The following SFSWAP variants were observed in gnomAD, a reference collection of about 807,000 sequenced individuals.
SFSWAP encodes splicing factor, suppressor of white-apricot homolog.
A neutral mutation model predicts 100.7 loss-of-function variants in SFSWAP; 17 were observed. The observed-to-expected ratio is 0.17, with a 90% confidence interval of 0.12 to 0.25. The LOEUF (loss-of-function observed/expected upper bound fraction) is 0.25. SFSWAP is among the 10% of genes least tolerant of loss of function. The pLI, the probability that SFSWAP is intolerant of heterozygous loss-of-function variation, is 1.00. For synonymous variants in SFSWAP, 504 were observed against 510.1 expected, an observed-to-expected ratio of 0.99 and a Z score of 0.16; for missense variants, 1,005 against 1,262.6, an observed-to-expected ratio of 0.80 and a Z score of 3.09.
chr12:131,756,456 T>G lies in SFSWAP; in HGVS notation c.1549-17T>G, dbSNP rs1373491584. 1 of 1,611,156 alleles carries G rather than the reference T, an allele frequency of 6.2e-7. No individual in the cohort carries two copies. Among genetic ancestry groups the G allele is most frequent in the African/African-American group, 1.3e-5 (1 of 74,848 alleles). On this transcript the variant is annotated splice_polypyrimidine_tract_variant and intron_variant, in intron 10 of 17. Coordinates refer to ENST00000261674, the MANE Select transcript of SFSWAP (RefSeq NM_004592.4). The stretch of plus-strand genomic sequence containing the variant: ...ATAATTTCCTGCTGACAGTTTATAG[T>G]GACATTTAATCTCTAGGCTGTGTCT...
intron 12 of SFSWAP, 135 bp downstream of exon 12, chr12:131,764,821 T>C: frequency 1.5e-6 from 1 of 655,952 alleles, no homozygotes; most frequent in Non-Finnish European, 2.7e-6. Context: ...GGGAGTTGTG[T>C]AACATGTCTG....
intron 15 of SFSWAP, chr12:131,795,986 GGGAGGGGAGA>G: frequency 2.8e-5 from 2 of 71,556 alleles, no homozygotes; most frequent in African/African-American, 1.1e-4. Context: ...GATAGGGGAG[GGGAGGGGAGA>G]GGGGGAGGGG....
intron 7 of SFSWAP, among the ~76,000 whole-genome samples, chr12:131,735,548 C>T (rs1332380676): frequency 2.0e-5 from 3 of 152,130 alleles, no homozygotes; most frequent in African/African-American, 7.2e-5. Flanking sequence ...AGGTCTCGAG[C>T]CTCATAGTTG....
chr12:131,737,671 G>A (rs1220819669), intron 7 of SFSWAP, among the ~76,000 whole-genome samples: 2 of 151,992 alleles, frequency 1.3e-5, no homozygotes, highest in Non-Finnish European at 2.9e-5. Context: ...GCTTTCATAC[G>A]CTGGGTATTT....
At chr12:131,748,968 A>G (rs1332130516) in intron 7 of SFSWAP, among the ~76,000 whole-genome samples, 1 of 152,286 alleles carries the variant, frequency 6.6e-6, no homozygotes, top group Non-Finnish European at 1.5e-5. Context: ...AAGAACAGCA[A>G]CAAACCTAAC....
rs1878253667 is a variant in SFSWAP at position 131,719,457 on chromosome 12, A to T, written c.524A>T (p.Lys175Ile). Residue 175 changes from lysine (K) to isoleucine (I), a missense_variant, in exon 4 of 18, where the codon AAA (lysine) becomes ATA (isoleucine). By Grantham distance (102) the Lys-to-Ile change is moderately radical. Transcript: ENST00000261674. ...EEEEPSKQRE[K>I]NEAENLEENE... ...TTTTAATTTTCTTTTTATGCAGAAA[A>T]AAATGAGGCCGAAAATTTAGAGGAA... 1.2e-6 allele frequency: 2 copies of T among 1,613,974 alleles called. No individual in the cohort carries two copies. Among genetic ancestry groups the T allele is most frequent in the Non-Finnish European group, 1.7e-6 (2 of 1,179,894 alleles).
At position 131,738,885 on chromosome 12, in the gene SFSWAP, C is replaced by CTTTTTTTTTTTTTTTTTTTTTTTTTTTT. The variant is rs71072785; in HGVS notation, c.1081+10481_1081+10482insTTTTTTTTTTTTTTTTTTTTTTTTTTTT. 8.2e-5 allele frequency among the ~76,000 whole-genome samples: 4 copies of CTTTTTTTTTTTTTTTTTTTTTTTTTTTT among 48,754 alleles called. 1 individual carries two copies. Among genetic ancestry groups the CTTTTTTTTTTTTTTTTTTTTTTTTTTTT allele is most frequent in the Non-Finnish European group, 1.2e-4 (3 of 24,294 alleles). 32.0% of individuals were successfully genotyped at this position (48,754 alleles called of 152,430 possible). A position where few individuals can be genotyped will look rare whatever the true frequency, so the allele number is the denominator to read the frequency against. ...TTCCAGTGCTGTAATGAACATTATT[C>CTTTTTTTTTTTTTTTTTTTTTTTTTTTT]TTTTTTTTTTTTTTTTTTTTTTTTG... On this transcript the variant is annotated intron_variant, in intron 7 of 17. Transcript: ENST00000261674.
At position 131,742,010 on chromosome 12, in the gene SFSWAP, A is replaced by G. The variant is rs914428326; in HGVS notation, c.1082-11113A>G. ...CCTTGATGCTCTCTCACCTTCTCTT[A>G]GCACCTTTTTCTTCCCTTCCAACAG... On this transcript the variant is annotated intron_variant, in intron 7 of 17. Transcript: ENST00000261674. 5.3e-5 allele frequency among the ~76,000 whole-genome samples: 8 copies of G among 151,938 alleles called. No individual in the cohort carries two copies. The South Asian group carries it at 8.3e-4, about 16-fold the overall frequency.
In SFSWAP at chr12:131,753,123, C is replaced by T. The variant is rs369390161; in HGVS notation, c.1082C>T (p.Ser361Leu). The T allele has an allele frequency of 3.7e-6, 6 of 1,613,914 alleles. No homozygotes were observed. Among genetic ancestry groups the T allele is most frequent in the Non-Finnish European group, 4.2e-6 (5 of 1,179,986 alleles). The change falls in exon 8 of 18, where the codon TCG (serine) becomes TTG (leucine). Residue 361 changes from serine (S) to leucine (L), a missense_variant and splice_region_variant. Ser to Leu is a moderately radical substitution (Grantham distance 145, BLOSUM62 -2). Transcript: ENST00000261674. Reference sequence around the variant, plus strand: ...ACTCCGGGGCAATGTGTCTCCACAGCGACCGTGGCAGCCATGTATTACAGC... The same window carrying T: ...ACTCCGGGGCAATGTGTCTCCACAGTGACCGTGGCAGCCATGTATTACAGC... ...QPSQVEYTAD[S>L]TVAAMYYSYY...
At chr12:131,743,557 C>T (rs774118828) in intron 7 of SFSWAP, among the ~76,000 whole-genome samples, 8 of 152,238 alleles carry the variant, frequency 5.3e-5, no homozygotes, top group Non-Finnish European at 1.0e-4. Context: ...TGGGCAGCTC[C>T]GCGCCTGTGG....
rs114775015 is a variant in SFSWAP at position 131,735,249 on chromosome 12, G to A, written c.1081+6821G>A. Among the ~76,000 whole-genome samples the A allele has an allele frequency of 3.4e-3, 525 of 152,334 alleles. 4 individuals are homozygous for A. Among genetic ancestry groups the A allele is most frequent in the African/African-American group, 0.012 (487 of 41,580 alleles). ...CTGTGCATCATCCCTACACGCCCGC[G>A]CCTGAAGATTTATGCGCGCTTTCTG... On this transcript the variant is annotated intron_variant, in intron 7 of 17. Transcript: ENST00000261674.
At chr12:131,763,651 A>G (rs1882858213) in intron 11 of SFSWAP, among the ~76,000 whole-genome samples, 1 of 152,174 alleles carries the variant, frequency 6.6e-6, no homozygotes, top group Non-Finnish European at 1.5e-5. Context: ...TGCCTGTCAC[A>G]AAGTAGGTAA....
chr12:131,736,520 T>C (rs1880033257), intron 7 of SFSWAP, among the ~76,000 whole-genome samples: 1 of 152,058 alleles, frequency 6.6e-6, no homozygotes, highest in Non-Finnish European at 1.5e-5. Flanking sequence ...GAGGCAAAAA[T>C]GCCCATACGG....
chr12:131,762,031 G>A (rs1043611354), intron 11 of SFSWAP, among the ~76,000 whole-genome samples: 15 of 152,088 alleles, frequency 9.9e-5, no homozygotes, highest in Admixed American at 2.6e-4. Context: ...TCAGGAGTTC[G>A]AGACCAGCCT....
At chr12:131,751,502 C>T (rs1457855884) in intron 7 of SFSWAP, among the ~76,000 whole-genome samples, 2 of 152,252 alleles carry the variant, frequency 1.3e-5, no homozygotes, top group African/African-American at 2.4e-5. Context: ...CTGGGCTGCA[C>T]TCTCTCCCCT....
intron 5 of SFSWAP, among the ~76,000 whole-genome samples, chr12:131,726,632 T>C (rs1879005023): frequency 6.6e-6 from 1 of 152,214 alleles, no homozygotes; most frequent in Admixed American, 6.5e-5. Flanking sequence ...ATTTTGCTTT[T>C]CATAAATCAG....
chr12:131,778,339 G>T lies in SFSWAP; in HGVS notation c.2408+9G>T. ...ACAGTGCGGCGGTCGAGGTGGGTGTGAAGGGGGCAGCACCTCTGGTACCCT... is the reference window on the plus strand; with the variant it reads ...ACAGTGCGGCGGTCGAGGTGGGTGTTAAGGGGGCAGCACCTCTGGTACCCT... On this transcript the variant is annotated intron_variant, in intron 14 of 17. Coordinates refer to ENST00000261674, the MANE Select transcript of SFSWAP (RefSeq NM_004592.4). This position sits in a 1 kb window ranked among gnomAD's most constrained non-coding sequence, Gnocchi z 4.2. 6.2e-7 allele frequency: 1 copy of T among 1,610,200 alleles called. No individual in the cohort carries two copies. Among genetic ancestry groups the T allele is most frequent in the Non-Finnish European group, 8.5e-7 (1 of 1,177,570 alleles).
chr12:131,735,629 A>C, intron 7 of SFSWAP, among the ~76,000 whole-genome samples: 1 of 152,310 alleles, frequency 6.6e-6, no homozygotes. Flanking sequence ...CCATGAACAC[A>C]TGCTGGGCCC....
At chr12:131,726,251 T>G (rs911382738) in intron 5 of SFSWAP, among the ~76,000 whole-genome samples, 1 of 152,130 alleles carries the variant, frequency 6.6e-6, no homozygotes, top group Non-Finnish European at 1.5e-5. Context: ...TCGCCCAGGC[T>G]GGAGTGCAAT....
Sources: allele counts gnomAD v4.1 joint callset (sites outside exome capture counted in the v4.1 genomes callset), GRCh38; gene constraint gnomAD v4.1.1; non-coding constraint Gnocchi (gnomAD v3.1); transcripts MANE v1.5; gene names NCBI Gene and HGNC (gene_info 2026-07-23, HGNC 2026-07-21).